The following CSMD3 variants were observed in gnomAD, a reference collection of about 807,000 sequenced individuals.
CSMD3 encodes CUB and Sushi multiple domains 3.
In CSMD3, 177 loss-of-function variants were observed where a neutral mutation model predicts 435.2. That is an observed-to-expected ratio of 0.41 (90% confidence interval 0.36 to 0.46). The LOEUF (loss-of-function observed/expected upper bound fraction) is 0.46, where lower values mean the gene tolerates loss of function less well. Ranked by LOEUF, CSMD3 falls within the 20% of genes least tolerant of loss-of-function variation. The probability of loss-of-function intolerance (pLI) is 0.34; values close to 1 mark genes in which losing one functional copy is unlikely to be tolerated. For missense variants in CSMD3, 4,265 were observed against 4,504.6 expected, an observed-to-expected ratio of 0.95 and a Z score of 1.52; for synonymous variants, 1,656 against 1,520.5, an observed-to-expected ratio of 1.09 and a Z score of -2.07.
At chr8:113,128,352 T>G (rs1488114573) in intron 4 of CSMD3, among the ~76,000 whole-genome samples, 1 of 152,040 alleles carries the variant, frequency 6.6e-6, no homozygotes, top group East Asian at 1.9e-4. Flanking sequence ...TCTGCTTACC[T>G]ATTAAAAATC....
chr8:112,719,483 T>C (rs146803121), intron 13 of CSMD3, among the ~76,000 whole-genome samples: 359 of 152,274 alleles, frequency 2.4e-3, no homozygotes, highest in Non-Finnish European at 3.6e-3. Context: ...GCTTTGGTTT[T>C]GATGAAAGCT....
At chr8:112,274,074 A>T (rs1255774003) in intron 59 of CSMD3, among the ~76,000 whole-genome samples, 1 of 152,118 alleles carries the variant, frequency 6.6e-6, no homozygotes, top group Non-Finnish European at 1.5e-5. Context: ...TTTAAAGGCT[A>T]CGGTGGGATA....
rs76199005 is a variant in CSMD3, at chr8:112,626,237, A to G, written c.3715+10580T>C. 1.4e-3 allele frequency among the ~76,000 whole-genome samples: 210 copies of G among 152,230 alleles called. 5 individuals carry two copies. The East Asian group carries it at 0.033, about 24-fold the overall frequency. On this transcript the variant is annotated intron_variant, in intron 22 of 70. Transcript: ENST00000297405. ...TGGCAGTCCTACTCTCTCGTATTCA[A>G]CCGAAGCCCACCCCTGTTGATGCCA...
At chr8:112,634,978 C>T (rs1364087434) in intron 22 of CSMD3, among the ~76,000 whole-genome samples, 1 of 151,714 alleles carries the variant, frequency 6.6e-6, no homozygotes, top group East Asian at 1.9e-4. Flanking sequence ...CAGGCTTCTT[C>T]TAATGAAAAA....
At chr8:112,631,635 A>G (rs1244953579) in intron 22 of CSMD3, among the ~76,000 whole-genome samples, 1 of 152,124 alleles carries the variant, frequency 6.6e-6, no homozygotes, top group Non-Finnish European at 1.5e-5. Context: ...TGTGAGCAAT[A>G]AACTCTTTAA....
intron 5 of CSMD3, among the ~76,000 whole-genome samples, chr8:113,035,713 A>C (rs188972050): frequency 2.6e-5 from 4 of 152,098 alleles, no homozygotes; most frequent in South Asian, 4.2e-4. Context: ...CATTAACAAA[A>C]TGTTACTGTG....
chr8:112,965,975 T>A (rs1247348702), intron 7 of CSMD3, among the ~76,000 whole-genome samples: 1 of 151,784 alleles, frequency 6.6e-6, no homozygotes, highest in Non-Finnish European at 1.5e-5. Flanking sequence ...AATAGCTCTA[T>A]AAACATTAAA....
intron 10 of CSMD3, among the ~76,000 whole-genome samples, chr8:112,912,415 C>T (rs1249496558): frequency 6.6e-6 from 1 of 151,500 alleles, no homozygotes; most frequent in Non-Finnish European, 1.5e-5. Context: ...ATATCCTCAC[C>T]AATACTTAAC....
At position 112,909,011 on chromosome 8, in the gene CSMD3, C is replaced by G. The variant is rs1208061868; in HGVS notation, c.1633+12616G>C. 3.3e-5 allele frequency among the ~76,000 whole-genome samples: 5 copies of G among 151,272 alleles called. No individual in the cohort carries two copies. In the Admixed American group the frequency reaches 3.3e-4, roughly 10 times the overall value. On this transcript the variant is annotated intron_variant, in intron 10 of 70. Coordinates refer to ENST00000297405, the MANE Select transcript of CSMD3 (RefSeq NM_198123.2). Reference sequence around the variant, plus strand: ...CATTTTTGCTTTATGTTTTTTATATCTAAAGGTTTTCTTGTCTTTTTTTTT... The same window carrying G: ...CATTTTTGCTTTATGTTTTTTATATGTAAAGGTTTTCTTGTCTTTTTTTTT...
intron 3 of CSMD3, among the ~76,000 whole-genome samples, chr8:113,204,406 T>C (rs560090367): frequency 1.3e-5 from 2 of 152,124 alleles, no homozygotes; most frequent in South Asian, 2.1e-4. Context: ...TTTGAAATCA[T>C]AGAAACATTC....
chr8:112,428,820 A>C (rs1472030183), intron 32 of CSMD3, among the ~76,000 whole-genome samples: 1 of 152,108 alleles, frequency 6.6e-6, no homozygotes, highest in Non-Finnish European at 1.5e-5. Flanking sequence ...ATGTTCATAA[A>C]TCACTTGAAC....
intron 4 of CSMD3, among the ~76,000 whole-genome samples, chr8:113,134,443 C>T (rs2091363010): frequency 6.6e-6 from 1 of 152,006 alleles, no homozygotes; most frequent in Non-Finnish European, 1.5e-5. Flanking sequence ...CTCATTGCAT[C>T]ACACAGTATT....
intron 10 of CSMD3, among the ~76,000 whole-genome samples, chr8:112,861,561 T>C (rs1046716424): frequency 2.6e-5 from 4 of 151,904 alleles, no homozygotes; most frequent in African/African-American, 9.7e-5. Context: ...ATATTCTATT[T>C]ACTTAAACAA....
intron 10 of CSMD3, among the ~76,000 whole-genome samples, chr8:112,860,699 T>G (rs187677800): frequency 6.6e-6 from 1 of 151,794 alleles, no homozygotes; most frequent in Admixed American, 6.6e-5. Flanking sequence ...TGATTAGCTT[T>G]GTTTGAAATT....
At chr8:112,733,939 G>A (rs1002929847) in intron 13 of CSMD3, among the ~76,000 whole-genome samples, 2 of 151,964 alleles carry the variant, frequency 1.3e-5, no homozygotes, top group Non-Finnish European at 2.9e-5. Context: ...CTATGGACAT[G>A]AGAAAATGTA....
intron 13 of CSMD3, among the ~76,000 whole-genome samples, chr8:112,795,044 T>C (rs955572130): frequency 2.0e-5 from 3 of 152,172 alleles, no homozygotes; most frequent in African/African-American, 7.2e-5. Flanking sequence ...GATAGTTTTA[T>C]GGCTAGGGTC....
intron 10 of CSMD3, among the ~76,000 whole-genome samples, chr8:112,906,526 T>C (rs2082268536): frequency 6.6e-6 from 1 of 151,494 alleles, no homozygotes; most frequent in South Asian, 2.1e-4. Flanking sequence ...TTCTTACCTA[T>C]TTTTTTCTAG....
In CSMD3 at chr8:113,277,482, T is replaced by G. The variant is rs73701353; in HGVS notation, c.514+1110A>C. On this transcript the variant is annotated intron_variant, in intron 3 of 70. Coordinates refer to ENST00000297405, the MANE Select transcript of CSMD3 (RefSeq NM_198123.2). ...GGATTTTTTTTCTAGTGAAAAATAC[T>G]GTACTAGAATTAGTGTTTAGTTTAA... is the stretch of plus-strand genomic sequence containing the variant. Among the ~76,000 whole-genome samples, 1,167 of 152,138 alleles carry G rather than the reference T, an allele frequency of 7.7e-3. 19 individuals carry two copies. Among genetic ancestry groups the G allele is most frequent in the African/African-American group, 0.027 (1,117 of 41,552 alleles).
At chr8:113,141,346 C>T (rs772982457) in intron 4 of CSMD3, among the ~76,000 whole-genome samples, 3 of 150,122 alleles carry the variant, frequency 2.0e-5, no homozygotes, top group Non-Finnish European at 3.0e-5. Flanking sequence ...CTTTTGATAT[C>T]AAACTAGAAA....
Sources: allele counts gnomAD v4.1 joint callset (sites outside exome capture counted in the v4.1 genomes callset), GRCh38; gene constraint gnomAD v4.1.1; transcripts MANE v1.5; gene names NCBI Gene and HGNC (gene_info 2026-07-23, HGNC 2026-07-21).